The following NDUFA12 variants were observed in gnomAD, a reference collection of about 807,000 sequenced individuals.
The protein encoded by NDUFA12 is NADH dehydrogenase [ubiquinone] 1 alpha subcomplex subunit 12.
Under a neutral mutation model 20.3 loss-of-function variants are expected in NDUFA12, and 17 were observed. That is an observed-to-expected ratio of 0.84 (90% CI 0.57 to 1.26). The LOEUF (loss-of-function observed/expected upper bound fraction) is 1.26. Among genes scored for constraint, NDUFA12 ranks in the 50% most tolerant of loss-of-function variants. The pLI is 0.00. For synonymous variants in NDUFA12, 72 were observed against 63.6 expected, an observed-to-expected ratio of 1.13 and a Z score of -0.63; for missense variants, 191 against 183.7, an observed-to-expected ratio of 1.04 and a Z score of -0.23.
At chr12:95,001,130 C>T (rs1028949418) in intron 2 of NDUFA12, among the ~76,000 whole-genome samples, 8 of 152,014 alleles carry the variant, frequency 5.3e-5, no homozygotes, top group African/African-American at 1.9e-4. Flanking sequence ...CAAAGTGAGA[C>T]CCCATCTCTT....
chr12:94,974,889 G>T (rs1003871972), intron 3 of NDUFA12, among the ~76,000 whole-genome samples: 2 of 151,986 alleles, frequency 1.3e-5, no homozygotes, highest in African/African-American at 4.8e-5. Context: ...GGGAGGTGGG[G>T]ATGGTTAATG....
chr12:94,978,768 A>G (rs545456516), intron 3 of NDUFA12, among the ~76,000 whole-genome samples: 1 of 152,288 alleles, frequency 6.6e-6, no homozygotes, highest in East Asian at 1.9e-4. Context: ...TTATAAATTG[A>G]ACCTCAAGAA....
chr12:94,985,114 G>A (rs1402966507), intron 3 of NDUFA12, among the ~76,000 whole-genome samples: 1 of 151,576 alleles, frequency 6.6e-6, no homozygotes, highest in South Asian at 2.1e-4. Flanking sequence ...TTTGAGGCCA[G>A]GAGTTACAGA....
intron 3 of NDUFA12, among the ~76,000 whole-genome samples, chr12:94,986,326 T>C (rs1874441488): frequency 1.3e-5 from 2 of 151,978 alleles, no homozygotes; most frequent in Admixed American, 6.6e-5. Context: ...AGAGGAGATG[T>C]TGATAAAAGA....
chr12:94,998,472 C>T (rs751450951), intron 2 of NDUFA12, among the ~76,000 whole-genome samples: 11 of 152,108 alleles, frequency 7.2e-5, no homozygotes, highest in African/African-American at 2.2e-4. Flanking sequence ...TACTGGAAGT[C>T]GTAGCCAGAG....
chr12:95,001,983 G>A lies in NDUFA12; in HGVS notation c.169+756C>T, dbSNP rs185705522. ...CTCCCAAAGTGCTGGGATTACAGGC[G>A]TGAGCCACCGCGCCCAGCCGAATTA... On this transcript the variant is annotated intron_variant, in intron 2 of 3. Transcript: ENST00000327772. 7.7e-4 allele frequency among the ~76,000 whole-genome samples: 117 copies of A among 152,008 alleles called. 1 individual carries two copies. Among genetic ancestry groups the A allele is most frequent in the African/African-American group, 2.7e-3 (113 of 41,496 alleles).
chr12:95,003,655 C>A lies in NDUFA12; in HGVS notation c.26G>T (p.Arg9Leu). ...GTGGCCGGTGATCTGCTGCAGCCCG[C>A]GTTTCAGGACCTGCACTAACTCCAT... is the stretch of plus-strand genomic sequence containing the variant. MELVQVLK[R>L]GLQQITGHGG... is the part of the protein sequence containing the mutation. The change falls in exon 1 of 4, where the codon CGC (arginine) becomes CTC (leucine). Residue 9 changes from arginine to leucine, a missense_variant. Arg to Leu is a moderately radical substitution (Grantham distance 102). Transcript: ENST00000327772. 1 of 1,614,174 alleles carries A rather than the reference C, an allele frequency of 6.2e-7. No homozygotes were observed.
At chr12:94,990,112 A>G (rs1342222777) in intron 3 of NDUFA12, among the ~76,000 whole-genome samples, 1 of 152,164 alleles carries the variant, frequency 6.6e-6, no homozygotes, top group Admixed American at 6.5e-5. Flanking sequence ...CTAAAACCAA[A>G]GCTCAATGCA....
intron 2 of NDUFA12, among the ~76,000 whole-genome samples, chr12:94,996,577 T>G (rs1048848186): frequency 2.6e-5 from 4 of 151,910 alleles, no homozygotes; most frequent in Admixed American, 2.6e-4. Context: ...CCCAGCACTT[T>G]GGGAGGCTGA....
At chr12:94,991,315 A>T (rs898036824) in intron 3 of NDUFA12, among the ~76,000 whole-genome samples, 5 of 152,096 alleles carry the variant, frequency 3.3e-5, no homozygotes, top group African/African-American at 1.2e-4. Context: ...TCTGGGCCAC[A>T]CGTGGCAAGT....
intron 3 of NDUFA12, 39 bp from the exon 4 acceptor site, chr12:94,971,659 C>CAG: frequency 6.2e-7 from 1 of 1,609,422 alleles, no homozygotes; most frequent in Non-Finnish European, 8.5e-7. Context: ...TATGAAGAGG[C>CAG]AGTACAGCAT....
intron 2 of NDUFA12, among the ~76,000 whole-genome samples, chr12:94,999,674 G>A (rs547200743): frequency 6.6e-6 from 1 of 152,144 alleles, no homozygotes; most frequent in Non-Finnish European, 1.5e-5. Context: ...GACATGAACA[G>A]ACAATTCTCA....
intron 3 of NDUFA12, among the ~76,000 whole-genome samples, chr12:94,993,143 G>A (rs1454387436): frequency 6.6e-6 from 1 of 152,084 alleles, no homozygotes; most frequent in Non-Finnish European, 1.5e-5. Flanking sequence ...AGGATTGCTT[G>A]AGCCCAGGAG....
intron 3 of NDUFA12, among the ~76,000 whole-genome samples, chr12:94,983,188 A>G (rs1874299504): frequency 1.3e-5 from 2 of 152,134 alleles, no homozygotes; most frequent in Admixed American, 1.3e-4. Context: ...TCAAAAGCCA[A>G]TCAATCAGCA....
intron 3 of NDUFA12, among the ~76,000 whole-genome samples, chr12:94,973,254 T>G (rs1015990093): frequency 9.2e-5 from 14 of 152,204 alleles, no homozygotes; most frequent in African/African-American, 3.4e-4. Context: ...GATAATTGTA[T>G]CATGATCAGC....
chr12:94,985,450 T>C lies in NDUFA12; in HGVS notation c.257+8720A>G, dbSNP rs1874397416. Among the ~76,000 whole-genome samples, 4 of 150,972 alleles carry C rather than the reference T, an allele frequency of 2.6e-5. No homozygotes were observed. In the South Asian group the frequency reaches 6.3e-4, roughly 24 times the overall value. On this transcript the variant is annotated intron_variant, in intron 3 of 3. Coordinates refer to ENST00000327772, the MANE Select transcript of NDUFA12 (RefSeq NM_018838.5). The stretch of plus-strand genomic sequence containing the variant: ...CAATCCTGGCTAACATGGTGAAACC[T>C]CGTCTCTACTAAAAAAATACAAAAA...
rs369067111 is a variant in NDUFA12 at position 94,993,518 on chromosome 12, G to A, written c.257+652C>T. Among the ~76,000 whole-genome samples the A allele has an allele frequency of 2.2e-4, 33 of 150,004 alleles. 1 individual carries two copies. The East Asian group carries it at 6.1e-3, about 28-fold the overall frequency. ...CATGAGCCTGTAGTCCCAGCTACTC[G>A]GGAGGCTGAGGCAGGAGAACTGCTT... On this transcript the variant is annotated intron_variant, in intron 3 of 3. Transcript: ENST00000327772.
chr12:95,002,714 T>G, intron 2 of NDUFA12, 25 bp downstream of exon 2: 1 of 1,536,490 alleles, frequency 6.5e-7, no homozygotes, highest in Non-Finnish European at 9.0e-7. Context: ...ATCCAATTAT[T>G]CATACTAAAA....
At chr12:94,983,439 G>C (rs1478550741) in intron 3 of NDUFA12, among the ~76,000 whole-genome samples, 1 of 152,288 alleles carries the variant, frequency 6.6e-6, no homozygotes, top group South Asian at 2.1e-4. Flanking sequence ...GGCCTGTGCA[G>C]AGGTCTACTG....
Sources: allele counts gnomAD v4.1 joint callset (sites outside exome capture counted in the v4.1 genomes callset), GRCh38; gene constraint gnomAD v4.1.1; transcripts MANE v1.5; gene names NCBI Gene and HGNC (gene_info 2026-07-23, HGNC 2026-07-21).